RERG: variants seen among roughly 807,000 people sequenced by gnomAD.
RERG encodes the protein ras-related and estrogen-regulated growth inhibitor.
Under a neutral mutation model 23.2 loss-of-function variants are expected in RERG, and 25 were observed. That is an observed-to-expected ratio of 1.08 (90% CI 0.79 to 1.50). The LOEUF (loss-of-function observed/expected upper bound fraction) is 1.50. Ranked by LOEUF, RERG falls within the 40% of genes most tolerant of loss-of-function variation. RERG has a pLI of 0.00. For synonymous variants in RERG, 81 were observed against 89.1 expected, an observed-to-expected ratio of 0.91 and a Z score of 0.51; for missense variants, 253 against 250.1, an observed-to-expected ratio of 1.01 and a Z score of -0.08.
chr12:15,166,538 G>GGTGGTGGTGTTGGTGGTGGTGT (rs1864693950), intron 2 of RERG, among the ~76,000 whole-genome samples: 1 of 151,062 alleles, frequency 6.6e-6, no homozygotes, highest in Admixed American at 6.6e-5. Context: ...GGTGGTGGTG[G>GGTGGTGGTGTTGGTGGTGGTGT]TGGTAGTGGT....
chr12:15,122,918 C>T (rs1442372631), intron 2 of RERG, among the ~76,000 whole-genome samples: 1 of 151,880 alleles, frequency 6.6e-6, no homozygotes, highest in Non-Finnish European at 1.5e-5. Flanking sequence ...CCTGCCACAG[C>T]CTCCCGAGTA....
At chr12:15,161,224 A>AAGAAAGAAAGAC (rs1262615056) in intron 2 of RERG, among the ~76,000 whole-genome samples, 1 of 123,124 alleles carries the variant, frequency 8.1e-6, no homozygotes, top group Non-Finnish European at 1.9e-5. Flanking sequence ...GAAAGAAAGA[A>AAGAAAGAAAGAC]AGAAACAGGG....
At chr12:15,160,697 C>T (rs1380909050) in intron 2 of RERG, among the ~76,000 whole-genome samples, 1 of 152,162 alleles carries the variant, frequency 6.6e-6, no homozygotes, top group Non-Finnish European at 1.5e-5. Context: ...GAAGGCATTA[C>T]ACAGAATGCT....
At chr12:15,161,186 G>GAAAGAAAGA (rs1555125422) in intron 2 of RERG, among the ~76,000 whole-genome samples, 9 of 146,800 alleles carry the variant, frequency 6.1e-5, no homozygotes, top group South Asian at 2.3e-4. Context: ...AAGAAAGAAA[G>GAAAGAAAGA]AAAGAAAGAA....
At chr12:15,155,467 C>T (rs1335512569) in intron 2 of RERG, among the ~76,000 whole-genome samples, 1 of 152,200 alleles carries the variant, frequency 6.6e-6, no homozygotes, top group African/African-American at 2.4e-5. Flanking sequence ...CCCCTGTGGC[C>T]TGCTGACACA....
intron 2 of RERG, among the ~76,000 whole-genome samples, chr12:15,156,001 A>T (rs200778005): frequency 4.6e-4 from 50 of 107,632 alleles, no homozygotes; most frequent in South Asian, 1.9e-3. Context: ...ATAATAAAAA[A>T]ATATATATAT....
At chr12:15,147,780 G>T (rs1365665990) in intron 2 of RERG, among the ~76,000 whole-genome samples, 4 of 152,172 alleles carry the variant, frequency 2.6e-5, no homozygotes, top group African/African-American at 9.7e-5. Flanking sequence ...GAAAATGTAT[G>T]TTTATTTAAA....
intron 2 of RERG, among the ~76,000 whole-genome samples, chr12:15,154,801 T>C (rs138282275): frequency 2.3e-3 from 344 of 152,156 alleles, no homozygotes; most frequent in African/African-American, 8.0e-3. Flanking sequence ...AAGACTATTA[T>C]GTAAACAGAA....
chr12:15,138,979 T>C (rs1380043169), intron 2 of RERG, among the ~76,000 whole-genome samples: 1 of 150,748 alleles, frequency 6.6e-6, no homozygotes, highest in Non-Finnish European at 1.5e-5. Context: ...TCCATTTTGA[T>C]TAATTTTTGT....
intron 3 of RERG, among the ~76,000 whole-genome samples, chr12:15,118,156 T>C (rs900650796): frequency 5.9e-5 from 9 of 152,178 alleles, no homozygotes; most frequent in African/African-American, 7.2e-5. Flanking sequence ...TTCCTTCCCT[T>C]GCCTGCATCC....
chr12:15,165,153 A>G (rs1285331289), intron 2 of RERG, among the ~76,000 whole-genome samples: 2 of 152,186 alleles, frequency 1.3e-5, no homozygotes, highest in Non-Finnish European at 2.9e-5. Context: ...GGTTAAGGGA[A>G]GGACTCCTGC....
chr12:15,122,899 A>C (rs965390723), intron 2 of RERG, among the ~76,000 whole-genome samples: 1 of 151,782 alleles, frequency 6.6e-6, no homozygotes, highest in Non-Finnish European at 1.5e-5. Flanking sequence ...TTCGGGTTCA[A>C]GCAATTCTCC....
intron 2 of RERG, 89 bp downstream of exon 2, chr12:15,217,340 C>G (rs1865453494): frequency 2.4e-6 from 2 of 843,034 alleles, no homozygotes; most frequent in African/African-American, 3.4e-5. Flanking sequence ...GGAATACCAA[C>G]TACTCACCTG....
chr12:15,138,019 A>G (rs1265345263), intron 2 of RERG: 1 of 322,462 alleles, frequency 3.1e-6, no homozygotes, highest in Non-Finnish European at 6.2e-6. Context: ...TTTGAAGAGT[A>G]ATTTTTCAGG....
intron 3 of RERG, among the ~76,000 whole-genome samples, chr12:15,120,203 T>C (rs1267190455): frequency 6.6e-6 from 1 of 152,218 alleles, no homozygotes; most frequent in Non-Finnish European, 1.5e-5. Flanking sequence ...AAGTAAACCA[T>C]AAGATCATTC....
At chr12:15,119,363 G>T (rs1016325837) in intron 3 of RERG, among the ~76,000 whole-genome samples, 4 of 152,048 alleles carry the variant, frequency 2.6e-5, no homozygotes, top group Non-Finnish European at 5.9e-5. Flanking sequence ...ATAAGATTAG[G>T]TACTGGAACA....
At chr12:15,117,675 GCACACACACACA>G (rs3084648) in intron 3 of RERG, among the ~76,000 whole-genome samples, 13 of 145,136 alleles carry the variant, frequency 9.0e-5, no homozygotes, top group South Asian at 2.2e-4. Context: ...TCACACACGC[GCACACACACACA>G]CACACACACA....
intron 2 of RERG, chr12:15,152,071 G>A (rs1308794333): frequency 6.6e-6 from 1 of 152,146 alleles, no homozygotes; most frequent in East Asian, 1.9e-4. Context: ...ATTGCAAAAG[G>A]TAAATGCTGT....
chr12:15,221,417 CG>C (rs1309518224), upstream of RERG: 5 of 152,222 alleles, frequency 3.3e-5, no homozygotes, highest in Non-Finnish European at 5.9e-5. Flanking sequence ...GGAGGGACTG[CG>C]GCAGGACGCG....
Sources: gnomAD v4.1 joint callset for allele counts (sites outside exome capture counted in the v4.1 genomes callset) on GRCh38, gnomAD v4.1.1 for gene constraint, MANE v1.5 for transcripts, NCBI Gene and HGNC (gene_info 2026-07-23, HGNC 2026-07-21) for gene names.